GPBP1L1: variants seen among roughly 807,000 people sequenced by gnomAD.
GPBP1L1 encodes the protein vasculin-like protein 1.
A neutral mutation model predicts 52.5 loss-of-function variants in GPBP1L1; 23 were observed. The observed-to-expected ratio is 0.44, with a 90% CI of 0.32 to 0.62. The LOEUF (loss-of-function observed/expected upper bound fraction) is 0.62, where lower values mean the gene tolerates loss of function less well. GPBP1L1 is among the 20% of genes least tolerant of loss of function. The pLI, the probability that GPBP1L1 is intolerant of heterozygous loss-of-function variation, is 0.06. For missense variants in GPBP1L1, 596 were observed against 579.3 expected (o/e 1.03, Z -0.30); for synonymous variants, 243 against 203.1 (o/e 1.20, Z -1.67).
At chr1:45,685,400 C>CA (rs1208030630) in intron 2 of GPBP1L1, among the ~76,000 whole-genome samples, 176 bp downstream of exon 2, 1 of 152,118 alleles carries the variant, frequency 6.6e-6, no homozygotes, top group African/African-American at 2.4e-5. Context: ...CAATAAATGT[C>CA]AATGTTAAAA....
intron 6 of GPBP1L1, among the ~76,000 whole-genome samples, chr1:45,653,679 G>C (rs6662999): frequency 0.17 from 24,937 of 150,206 alleles, 2,624 homozygotes; most frequent in Non-Finnish European, 0.23. Flanking sequence ...ATACTGATTT[G>C]TTAAAATGAT....
chr1:45,645,955 T>C (rs1644739912), intron 6 of GPBP1L1: 21 of 495,146 alleles, frequency 4.2e-5, no homozygotes, highest in South Asian at 3.1e-4. Flanking sequence ...TTTTTCTAGA[T>C]CTTTGAGTTG....
intron 2 of GPBP1L1, among the ~76,000 whole-genome samples, chr1:45,668,108 C>T (rs1321271530): frequency 6.6e-6 from 1 of 152,220 alleles, no homozygotes; most frequent in African/African-American, 2.4e-5. Context: ...CCCATTTATT[C>T]CTCAACCCAC....
At chr1:45,629,541 C>T in intron 12 of GPBP1L1, 35 bp downstream of exon 12, 1 of 1,121,710 alleles carries the variant, frequency 8.9e-7, no homozygotes, top group Non-Finnish European at 1.3e-6. Context: ...CTCCTGGTTA[C>T]TAACTGGTCT....
Position 45,628,239 on chromosome 1 carries a change from T to G in GPBP1L1, c.*17A>C. On this transcript the variant is annotated 3_prime_UTR_variant, in exon 13 of 13. Coordinates refer to ENST00000355105, the MANE Select transcript of GPBP1L1 (RefSeq NM_021639.5). ...CAGAGTTTACTGGGTCAGATTTAAC[T>G]GTGAGCATTTATATGCCTACTTCCA... 1.9e-6 allele frequency: 3 copies of G among 1,612,718 alleles called. No homozygotes were observed. Among genetic ancestry groups the G allele is most frequent in the Non-Finnish European group, 2.5e-6 (3 of 1,179,100 alleles).
intron 2 of GPBP1L1, among the ~76,000 whole-genome samples, chr1:45,684,901 G>A (rs1186232942): frequency 6.6e-6 from 1 of 152,108 alleles, no homozygotes; most frequent in Non-Finnish European, 1.5e-5. Context: ...CCCTAGGAAA[G>A]ATGAGTTTAT....
In GPBP1L1 at chr1:45,642,495, G is replaced by A. The variant is rs1390943757; in HGVS notation, c.482C>T (p.Ser161Phe). The A allele has an allele frequency of 6.2e-7, 1 of 1,613,598 alleles. No individual in the cohort carries two copies. The highest frequency in any genetic ancestry group is 8.5e-7 in the Non-Finnish European group (1 of 1,179,598). ...KLQFEEEDFP[S>F]LNPEAGKQHQ... ...CTGTTTGCCAGCTTCTGGATTCAAG[G>A]AAGGCTAGGAAAAAAGGGATATGAA... The change falls in exon 7 of 13, where the codon TCC (serine) becomes TTC (phenylalanine). Residue 161 changes from serine to phenylalanine, a missense_variant. Coordinates refer to ENST00000355105, the MANE Select transcript of GPBP1L1 (RefSeq NM_021639.5).
At chr1:45,628,563 T>TTTGAAAA (rs1644487783) in intron 12 of GPBP1L1, among the ~76,000 whole-genome samples, 155 bp from the exon 13 acceptor site, 1 of 152,240 alleles carries the variant, frequency 6.6e-6, no homozygotes, top group African/African-American at 2.4e-5. Context: ...CTTATACCAG[T>TTTGAAAA]ACTTTTCAAA....
chr1:45,643,648 A>G (rs1422126768), intron 6 of GPBP1L1, among the ~76,000 whole-genome samples: 1 of 136,292 alleles, frequency 7.3e-6, no homozygotes, highest in Non-Finnish European at 1.6e-5. Flanking sequence ...GTAACAGGGT[A>G]GGAGAATGGC....
intron 4 of GPBP1L1, among the ~76,000 whole-genome samples, chr1:45,657,132 A>C (rs1644894700): frequency 6.6e-6 from 1 of 152,332 alleles, no homozygotes; most frequent in South Asian, 2.1e-4. Context: ...TAAAACAATT[A>C]TTCTTCTCTG....
At chr1:45,631,089 T>C (rs1183223810) in intron 10 of GPBP1L1, among the ~76,000 whole-genome samples, 2 of 143,402 alleles carry the variant, frequency 1.4e-5, no homozygotes, top group Non-Finnish European at 3.1e-5. Context: ...ACAGCCACAC[T>C]AAAAAAAAAA....
intron 12 of GPBP1L1, 90 bp from the exon 13 acceptor site, chr1:45,628,498 C>G (rs1219080224): frequency 8.0e-7 from 1 of 1,244,884 alleles, no homozygotes; most frequent in Non-Finnish European, 1.1e-6. Flanking sequence ...GGCCTCAATT[C>G]AATTCTAGGT....
intron 8 of GPBP1L1, chr1:45,634,572 A>G (rs1644571046): frequency 5.4e-6 from 1 of 186,128 alleles, no homozygotes; most frequent in Non-Finnish European, 1.1e-5. Context: ...AACTGCACAT[A>G]AGAATTTGAG....
At chr1:45,681,074 C>T (rs1261998762) in intron 2 of GPBP1L1, among the ~76,000 whole-genome samples, 1 of 151,260 alleles carries the variant, frequency 6.6e-6, no homozygotes, top group Non-Finnish European at 1.5e-5. Flanking sequence ...AAAGAAACTA[C>T]CTGGAACAGT....
At chr1:45,665,121 CT>C (rs2148491877) in intron 2 of GPBP1L1, among the ~76,000 whole-genome samples, 1 of 152,124 alleles carries the variant, frequency 6.6e-6, no homozygotes, top group Non-Finnish European at 1.5e-5. Context: ...AAACCCCCGT[CT>C]CTACTATAAA....
At chr1:45,681,613 T>G (rs1645213121) in intron 2 of GPBP1L1, among the ~76,000 whole-genome samples, 2 of 152,226 alleles carry the variant, frequency 1.3e-5, no homozygotes. Context: ...TGTTAAAGGA[T>G]GTTCATTAAA....
intron 2 of GPBP1L1, among the ~76,000 whole-genome samples, chr1:45,662,357 C>CTGG (rs939534702): frequency 2.6e-5 from 4 of 152,138 alleles, no homozygotes; most frequent in African/African-American, 9.7e-5. Flanking sequence ...GTTGCCCAGG[C>CTGG]TGGTCTTGAA....
chr1:45,645,616 CTT>C (rs1036318435), intron 6 of GPBP1L1, among the ~76,000 whole-genome samples: 3 of 152,154 alleles, frequency 2.0e-5, no homozygotes, highest in African/African-American at 7.2e-5. Context: ...TGCTAACTCT[CTT>C]TTAACCCTCA....
intron 2 of GPBP1L1, among the ~76,000 whole-genome samples, chr1:45,675,204 G>A (rs1645124407): frequency 6.6e-6 from 1 of 152,086 alleles, no homozygotes; most frequent in Non-Finnish European, 1.5e-5. Context: ...GGCTGAGGCA[G>A]GAGAATCGCT....
Sources: allele counts gnomAD v4.1 joint callset (sites outside exome capture counted in the v4.1 genomes callset), GRCh38; gene constraint gnomAD v4.1.1; transcripts MANE v1.5; gene names NCBI Gene and HGNC (gene_info 2026-07-23, HGNC 2026-07-21).